The following UGT3A2 variants were observed in gnomAD, a reference collection of about 807,000 sequenced individuals.
UGT3A2 encodes UDP-glycosyltransferase 3A2.
A neutral mutation model predicts 39.8 loss-of-function variants in UGT3A2; 32 were observed. That is an observed-to-expected ratio of 0.80 (90% confidence interval 0.61 to 1.08). The LOEUF is 1.08. Ranked by LOEUF, UGT3A2 falls within the 50% of genes least tolerant of loss-of-function variation. UGT3A2 has a pLI of 0.00. For missense variants in UGT3A2, 611 were observed against 637.1 expected (o/e 0.96, Z 0.44); for synonymous variants, 241 against 230.7 (o/e 1.04, Z -0.40).
intron 1 of UGT3A2, 142 bp downstream of exon 1, chr5:36,066,554 G>A (rs1313426837): frequency 1.3e-6 from 2 of 1,499,296 alleles, no homozygotes; most frequent in African/African-American, 2.8e-5. Context: ...AGCTGAATGG[G>A]CTTCTCCCTC....
chr5:36,040,111 G>T (rs1158542060), intron 4 of UGT3A2, among the ~76,000 whole-genome samples: 4 of 152,092 alleles, frequency 2.6e-5, no homozygotes, highest in African/African-American at 9.7e-5. Context: ...AGGCAGAAAT[G>T]GTGGCAGCAT....
intron 3 of UGT3A2, among the ~76,000 whole-genome samples, chr5:36,050,664 C>A (rs980345378): frequency 3.3e-5 from 5 of 152,160 alleles, no homozygotes; most frequent in Non-Finnish European, 5.9e-5. Flanking sequence ...GAGTTTGAGA[C>A]CAGCCTGGCG....
chr5:36,049,508 C>T, intron 3 of UGT3A2, 88 bp from the exon 4 acceptor site: 1 of 1,072,590 alleles, frequency 9.3e-7, no homozygotes, highest in Non-Finnish European at 1.3e-6. Context: ...GAAAATATCC[C>T]AGGAAAGCAA....
intron 1 of UGT3A2, among the ~76,000 whole-genome samples, chr5:36,065,588 GA>G (rs544187471): frequency 4.6e-5 from 7 of 152,036 alleles, no homozygotes; most frequent in Middle Eastern, 3.4e-3. Flanking sequence ...CACTCAGAAA[GA>G]GGGGGAAAAA....
Position 36,066,851 on chromosome 5 carries a change from G to T in UGT3A2, c.-62C>A. 6.2e-7 allele frequency: 1 copy of T among 1,600,888 alleles called. No homozygotes were observed. Among genetic ancestry groups the T allele is most frequent in the Non-Finnish European group, 8.6e-7 (1 of 1,168,264 alleles). On this transcript the variant is annotated 5_prime_UTR_variant, in exon 1 of 7. Transcript: ENST00000282507. ...CTGCGCGCCCTGCGCCCGGCTAAGG[G>T]ACCCTGTGCACCTCAGTGCGCCAAA...
At position 36,048,953 on chromosome 5, in the gene UGT3A2, G is replaced by C; in HGVS notation, c.779C>G (p.Pro260Arg). 4 of 1,614,130 alleles carry C rather than the reference G, an allele frequency of 2.5e-6. No homozygotes were observed. The South Asian group carries it at 3.3e-5, about 13-fold the overall frequency. ...AACATAAACAGTGTTGGGAAGCAGA[G>C]GTCGAGCAAAATCAAAGGCAAAGTC... Reference protein sequence around the residue: ...NSDFAFDFARPLLPNTVYVGG... With the variant: ...NSDFAFDFARRLLPNTVYVGG... The change falls in exon 4 of 7, where the codon CCT becomes CGT. Residue 260 changes from proline to arginine, a missense_variant. By Grantham distance (103) the Pro-to-Arg change is moderately radical (BLOSUM62 -2). Transcript: ENST00000282507.
intron 2 of UGT3A2, among the ~76,000 whole-genome samples, chr5:36,063,792 T>A (rs1002403487): frequency 6.6e-6 from 1 of 152,096 alleles, no homozygotes; most frequent in Non-Finnish European, 1.5e-5. Flanking sequence ...GGTGCCACCA[T>A]GTCAAGCTAA....
chr5:36,042,477 A>G (rs1167909485), intron 4 of UGT3A2, among the ~76,000 whole-genome samples: 1 of 152,170 alleles, frequency 6.6e-6, no homozygotes, highest in Non-Finnish European at 1.5e-5. Context: ...GGAAAGAAGA[A>G]AGAGAAGATC....
chr5:36,058,029 T>C (rs1403434062), intron 2 of UGT3A2, among the ~76,000 whole-genome samples: 1 of 152,214 alleles, frequency 6.6e-6, no homozygotes, highest in Non-Finnish European at 1.5e-5. Flanking sequence ...TGAAAACTAA[T>C]GTAAAAGATA....
Position 36,066,841 on chromosome 5 carries a change from C to G in UGT3A2, c.-52G>C, listed in dbSNP as rs774280605. 6.2e-7 allele frequency: 1 copy of G among 1,609,760 alleles called. No homozygotes were observed. The highest frequency in any genetic ancestry group is 8.5e-7 in the Non-Finnish European group (1 of 1,176,236). On this transcript the variant is annotated 5_prime_UTR_variant, in exon 1 of 7. Coordinates refer to ENST00000282507, the MANE Select transcript of UGT3A2 (RefSeq NM_174914.4). ...TCAGCCTGGGCTGCGCGCCCTGCGC[C>G]CGGCTAAGGGACCCTGTGCACCTCA...
chr5:36,051,520 G>A (rs1742340417), intron 3 of UGT3A2, among the ~76,000 whole-genome samples: 1 of 152,216 alleles, frequency 6.6e-6, no homozygotes, highest in Non-Finnish European at 1.5e-5. Context: ...CAATTTCTGT[G>A]TTGGGGAGAT....
At chr5:36,061,300 T>C (rs1483019769) in intron 2 of UGT3A2, among the ~76,000 whole-genome samples, 6 of 152,038 alleles carry the variant, frequency 3.9e-5, no homozygotes, top group South Asian at 2.1e-4. Flanking sequence ...GCAGGTTAGT[T>C]ACATACGTAC....
chr5:36,035,808 C>T lies in UGT3A2; in HGVS notation c.1462G>A (p.Val488Ile), dbSNP rs555194978. The change falls in exon 7 of 7, where the codon GTT becomes ATT. Residue 488 changes from valine to isoleucine, a missense_variant. Coordinates refer to ENST00000282507, the MANE Select transcript of UGT3A2 (RefSeq NM_174914.4). The part of the protein sequence containing the change: ...QPWHEQYLLD[V>I]FVFLLGLTLG... ...GTGAGCCCCAGCAGAAACACAAAAACGTCGAGCAGGTACTGCTCATGCCAG... is the reference window on the plus strand; with the variant it reads ...GTGAGCCCCAGCAGAAACACAAAAATGTCGAGCAGGTACTGCTCATGCCAG... The T allele has an allele frequency of 2.5e-5, 40 of 1,614,150 alleles. No homozygotes were observed. The highest frequency in any genetic ancestry group is 2.1e-4 in the South Asian group (19 of 91,072).
intron 2 of UGT3A2, among the ~76,000 whole-genome samples, chr5:36,060,589 A>T (rs929097955): frequency 6.6e-6 from 1 of 152,082 alleles, no homozygotes; most frequent in Non-Finnish European, 1.5e-5. Context: ...AGAAGCGGGG[A>T]GCTCTTTTCT....
chr5:36,041,997 G>A (rs1355903491), intron 4 of UGT3A2, among the ~76,000 whole-genome samples: 1 of 151,988 alleles, frequency 6.6e-6, no homozygotes, highest in Non-Finnish European at 1.5e-5. Context: ...GAAGCTCAGT[G>A]ACATTCAAGA....
At chr5:36,053,522 A>G (rs942200804) in intron 2 of UGT3A2, among the ~76,000 whole-genome samples, 1 of 152,198 alleles carries the variant, frequency 6.6e-6, no homozygotes, top group African/African-American at 2.4e-5. Flanking sequence ...TTGCAATACA[A>G]CAGGCTCTCT....
intron 1 of UGT3A2, among the ~76,000 whole-genome samples, chr5:36,066,461 C>T (rs1340860314): frequency 1.3e-5 from 2 of 152,186 alleles, no homozygotes; most frequent in Non-Finnish European, 2.9e-5. Flanking sequence ...GCGTCCTGAA[C>T]AGGAAGAAGA....
rs116927568 is a variant in UGT3A2, at chr5:36,043,433, A to T, written c.844-3725T>A. On this transcript the variant is annotated intron_variant, in intron 4 of 6. Coordinates refer to ENST00000282507, the MANE Select transcript of UGT3A2 (RefSeq NM_174914.4). The stretch of plus-strand genomic sequence containing the variant: ...TAAGTGCCTACATCAAAAGAGTGAG[A>T]CTTCATATAAACAACCTACGGATGC... Among the ~76,000 whole-genome samples, 11 of 152,200 alleles carry T rather than the reference A, an allele frequency of 7.2e-5. No individual in the cohort carries two copies. In the East Asian group the frequency reaches 2.1e-3, roughly 29 times the overall value.
At position 36,049,511 on chromosome 5, in the gene UGT3A2, G is replaced by A; in HGVS notation, c.312-91C>T. The A allele has an allele frequency of 2.9e-6, 3 of 1,026,430 alleles. No individual in the cohort carries two copies. In the South Asian group the frequency reaches 5.4e-5, roughly 18 times the overall value. The allele number at this position is 1,026,430 out of a possible 1,614,324, so 63.6% of individuals were successfully genotyped here. A position where few individuals can be genotyped will look rare whatever the true frequency, so the allele number is the denominator to read the frequency against. ...TTGAGATACAAAGAAAATATCCCAG[G>A]AAAGCAACAACCTTTCTAGCAGTCA... On this transcript the variant is annotated intron_variant, in intron 3 of 6. Coordinates refer to ENST00000282507, the MANE Select transcript of UGT3A2 (RefSeq NM_174914.4).
Sources: gnomAD v4.1 joint callset for allele counts (sites outside exome capture counted in the v4.1 genomes callset) on GRCh38, gnomAD v4.1.1 for gene constraint, MANE v1.5 for transcripts, NCBI Gene and HGNC (gene_info 2026-07-23, HGNC 2026-07-21) for gene names.